Variants in PDCD6IP observed in about 807,000 individuals in gnomAD.
The protein encoded by PDCD6IP is programmed cell death 6 interacting protein.
A neutral mutation model predicts 103.7 loss-of-function variants in PDCD6IP; 43 were observed. That is an observed-to-expected ratio of 0.41 (90% CI 0.32 to 0.53). The LOEUF is 0.53. Ranked by LOEUF, PDCD6IP falls within the 20% of genes least tolerant of loss-of-function variation. The probability of loss-of-function intolerance (pLI) is 0.16; values close to 1 mark genes in which losing one functional copy is unlikely to be tolerated. For missense variants in PDCD6IP, 871 were observed against 1,036.7 expected (o/e 0.84, Z 2.20); for synonymous variants, 354 against 378.7 (o/e 0.93, Z 0.76).
chr3:33,859,331 C>G (rs1351169473), intron 15 of PDCD6IP, among the ~76,000 whole-genome samples: 1 of 151,802 alleles, frequency 6.6e-6, no homozygotes, highest in Non-Finnish European at 1.5e-5. Flanking sequence ...ATAACTCCTA[C>G]TTAAAATCCA....
chr3:33,847,837 A>G (rs530316932), intron 12 of PDCD6IP, among the ~76,000 whole-genome samples: 4 of 152,274 alleles, frequency 2.6e-5, no homozygotes, highest in Admixed American at 2.0e-4. Flanking sequence ...AGTCCAGTCT[A>G]TGGTTGGCTG....
chr3:33,815,073 A>G (rs1360721082), intron 3 of PDCD6IP, among the ~76,000 whole-genome samples: 3 of 148,972 alleles, frequency 2.0e-5, no homozygotes, highest in Non-Finnish European at 4.4e-5. Context: ...TATGTATTAT[A>G]TAGTATGTGC....
intron 13 of PDCD6IP, among the ~76,000 whole-genome samples, chr3:33,853,148 C>T (rs9855610): frequency 0.012 from 1,871 of 152,256 alleles, 35 homozygotes; most frequent in African/African-American, 0.042. Context: ...TGGTCTCGAT[C>T]TCCTGACCTC....
chr3:33,860,698 A>G (rs1559798831), intron 15 of PDCD6IP, among the ~76,000 whole-genome samples: 1 of 152,230 alleles, frequency 6.6e-6, no homozygotes, highest in African/African-American at 2.4e-5. Flanking sequence ...GAGATTCATC[A>G]GTATAGTTGT....
chr3:33,840,329 A>G (rs970451107), intron 9 of PDCD6IP, among the ~76,000 whole-genome samples: 2 of 152,250 alleles, frequency 1.3e-5, no homozygotes, highest in Non-Finnish European at 2.9e-5. Flanking sequence ...GAGTAGGCTG[A>G]GGAAGAGGCG....
In PDCD6IP at chr3:33,866,410, T is replaced by C. The variant is rs1460122900; in HGVS notation, c.2492T>C (p.Met831Thr). Residue 831 changes from methionine (M) to threonine (T), a missense_variant, in exon 18 of 18, where the codon ATG becomes ACG. Physicochemically the swap from Met to Thr is moderately conservative, Grantham distance 81. Around this residue, in one of 5 missense-constraint regions of PDCD6IP, gnomAD observed 202 missense variants for 205.2 expected, o/e 0.98. Transcript: ENST00000307296. ...YNPYAYGQYN[M>T]PYPPVYHQSP... ...CCTTATGCGTATGGCCAGTATAATA[T>C]GCCATATCCACCAGTGTATCACCAG... 1 of 1,611,148 alleles carries C rather than the reference T, an allele frequency of 6.2e-7. No homozygotes were observed. Among genetic ancestry groups the C allele is most frequent in the Admixed American group, 1.7e-5 (1 of 59,514 alleles).
At chr3:33,865,615 T>C (rs1698047518) in intron 17 of PDCD6IP, among the ~76,000 whole-genome samples, 185 bp downstream of exon 17, 1 of 152,264 alleles carries the variant, frequency 6.6e-6, no homozygotes, top group Admixed American at 6.5e-5. Context: ...AGCTATTTCC[T>C]AGGCTTTTAA....
chr3:33,837,528 T>G (rs1271886835), intron 8 of PDCD6IP, among the ~76,000 whole-genome samples: 1 of 152,048 alleles, frequency 6.6e-6, no homozygotes, highest in Non-Finnish European at 1.5e-5. Context: ...TTCCTCAAGG[T>G]CACATAGCTA....
intron 7 of PDCD6IP, among the ~76,000 whole-genome samples, chr3:33,834,191 A>T (rs1015517549): frequency 6.6e-6 from 1 of 151,532 alleles, no homozygotes; most frequent in Non-Finnish European, 1.5e-5. Flanking sequence ...TCAGCATCAC[A>T]TTTTTTTCTG....
intron 10 of PDCD6IP, among the ~76,000 whole-genome samples, chr3:33,842,587 G>C (rs1185965449): frequency 6.6e-6 from 1 of 151,720 alleles, no homozygotes; most frequent in Non-Finnish European, 1.5e-5. Context: ...CTTGCTTATG[G>C]TGGCTTGTTT....
At chr3:33,824,255 CTTTT>C (rs398062226) in intron 4 of PDCD6IP, among the ~76,000 whole-genome samples, 1 of 146,054 alleles carries the variant, frequency 6.8e-6, no homozygotes, top group African/African-American at 2.5e-5. Flanking sequence ...CTCATGACAC[CTTTT>C]TTTTTTTTTC....
At position 33,866,664 on chromosome 3, in the gene PDCD6IP, G is replaced by A. The variant is rs1698073266; in HGVS notation, c.*139G>A. ...ATGCAGTGTATAATTTCTGTCTACA[G>A]CTAGAAGCTGTGCCCCAGTTCCACA... On this transcript the variant is annotated 3_prime_UTR_variant, in exon 18 of 18. Transcript: ENST00000307296. 1.7e-6 allele frequency: 1 copy of A among 590,706 alleles called. No homozygotes were observed. Among genetic ancestry groups the A allele is most frequent in the Admixed American group, 4.1e-5 (1 of 24,366 alleles). 36.6% of individuals were successfully genotyped at this position (590,706 alleles called of 1,614,324 possible). A position where few individuals can be genotyped will look rare whatever the true frequency, so the allele number is the denominator to read the frequency against.
Position 33,855,221 on chromosome 3 carries a change from T to C in PDCD6IP, c.2081T>C (p.Ile694Thr), listed in dbSNP as rs1385102029. 5.6e-6 allele frequency: 9 copies of C among 1,611,032 alleles called. No individual in the cohort carries two copies. Among genetic ancestry groups the C allele is most frequent in the South Asian group, 4.4e-5 (4 of 91,008 alleles). ...AGGTTCCAGAACAAATGCAGTGATA[T>C]AGTTTTTGCACGGAAGACAGAAAGA... Reference protein sequence around the residue: ...LVRFQNKCSDIVFARKTERDE... With the variant: ...LVRFQNKCSDTVFARKTERDE... The change falls in exon 15 of 18, where the codon ATA (isoleucine) becomes ACA (threonine). Residue 694 changes from isoleucine to threonine, a missense_variant. Coordinates refer to ENST00000307296, the MANE Select transcript of PDCD6IP (RefSeq NM_013374.6).
intron 1 of PDCD6IP, 174 bp downstream of exon 1, chr3:33,799,111 A>G: frequency 1.5e-6 from 1 of 655,978 alleles, no homozygotes; most frequent in Non-Finnish European, 2.6e-6. Context: ...CCCGCCCTGC[A>G]GGCCCGCTGT....
chr3:33,823,585 C>T (rs1445667992), intron 4 of PDCD6IP, among the ~76,000 whole-genome samples: 1 of 152,152 alleles, frequency 6.6e-6, no homozygotes, highest in Non-Finnish European at 1.5e-5. Flanking sequence ...AGTTCCAGAC[C>T]AGCCTGGCCA....
intron 3 of PDCD6IP, among the ~76,000 whole-genome samples, chr3:33,814,836 T>C (rs1382876244): frequency 7.8e-6 from 1 of 128,496 alleles, no homozygotes; most frequent in Non-Finnish European, 1.6e-5. Flanking sequence ...ATGTATACTA[T>C]ATGCATGTAT....
At chr3:33,800,746 A>G (rs1298796947) in intron 1 of PDCD6IP, among the ~76,000 whole-genome samples, 1 of 152,172 alleles carries the variant, frequency 6.6e-6, no homozygotes, top group African/African-American at 2.4e-5. Flanking sequence ...TATTAAGAAA[A>G]CATAGTTGTG....
rs1440257204 is a variant in PDCD6IP, at chr3:33,812,267, C to T, written c.264+141C>T. On this transcript the variant is annotated intron_variant, in intron 2 of 17. Transcript: ENST00000307296. The stretch of plus-strand genomic sequence containing the variant: ...GATCTGTCTAATGCGAATATATGTG[C>T]TTCTGAAGAAAGAATCTCCTGGAAT... 6 of 1,256,660 alleles carry T rather than the reference C, an allele frequency of 4.8e-6. 1 individual carries two copies. The highest frequency in any genetic ancestry group is 4.3e-5 in the Admixed American group (1 of 23,084). The allele number at this position is 1,256,660 out of a possible 1,614,324, so 77.8% of individuals were successfully genotyped here. A position where few individuals can be genotyped will look rare whatever the true frequency, so the allele number is the denominator to read the frequency against.
chr3:33,861,430 C>T (rs1160099945), intron 15 of PDCD6IP, among the ~76,000 whole-genome samples: 6 of 152,144 alleles, frequency 3.9e-5, no homozygotes, highest in Non-Finnish European at 5.9e-5. Context: ...CGTGAGCCAC[C>T]GAGCCCGGCT....
Sources: gnomAD v4.1 joint callset for allele counts (sites outside exome capture counted in the v4.1 genomes callset) on GRCh38, gnomAD v4.1.1 for gene constraint, gnomAD v4.1.1 regional missense constraint, MANE v1.5 for transcripts, NCBI Gene and HGNC (gene_info 2026-07-23, HGNC 2026-07-21) for gene names.